The following SYN3 variants were observed in gnomAD, a reference collection of about 807,000 sequenced individuals.
SYN3 encodes the protein synapsin III.
A neutral mutation model predicts 65.8 loss-of-function variants in SYN3; 35 were observed. The observed-to-expected ratio is 0.53, with a 90% CI of 0.41 to 0.70. SYN3 has a LOEUF of 0.70. SYN3 is among the 30% of genes least tolerant of loss of function. The pLI, the probability that SYN3 is intolerant of heterozygous loss-of-function variation, is 0.00. For missense variants in SYN3, 680 were observed against 749.0 expected (o/e 0.91, Z 1.08); for synonymous variants, 270 against 292.9 (o/e 0.92, Z 0.80).
At chr22:32,740,563 G>A (rs1020005057) in intron 6 of SYN3, among the ~76,000 whole-genome samples, 1 of 152,170 alleles carries the variant, frequency 6.6e-6, no homozygotes, top group Non-Finnish European at 1.5e-5. Flanking sequence ...CAGGTGAGAC[G>A]CAGAGTGTGG....
intron 7 of SYN3, among the ~76,000 whole-genome samples, chr22:32,587,866 C>T (rs975780904): frequency 6.6e-6 from 1 of 152,144 alleles, no homozygotes; most frequent in Non-Finnish European, 1.5e-5. Context: ...GGACAACAAA[C>T]CCTGTACCTG....
chr22:32,965,895 T>A (rs551228514), intron 3 of SYN3, among the ~76,000 whole-genome samples: 1 of 152,118 alleles, frequency 6.6e-6, no homozygotes, highest in Admixed American at 6.5e-5. Context: ...GGGGTTTCGC[T>A]GTGTTAGCCA....
intron 7 of SYN3, among the ~76,000 whole-genome samples, chr22:32,565,351 A>G (rs2058658254): frequency 6.6e-6 from 1 of 152,220 alleles, no homozygotes; most frequent in African/African-American, 2.4e-5. Flanking sequence ...ATGTATAATT[A>G]CAAGTTTTCT....
intron 4 of SYN3, among the ~76,000 whole-genome samples, chr22:32,873,415 T>C (rs1227221133): frequency 1.3e-5 from 2 of 151,976 alleles, no homozygotes; most frequent in South Asian, 2.1e-4. Flanking sequence ...AAAGCTGAGG[T>C]TGTCAAGTGG....
chr22:33,006,397 T>C lies in SYN3; in HGVS notation c.266A>G (p.Gln89Arg), dbSNP rs770664068. The part of the protein sequence containing the change: ...EPPGPSTPIV[Q>R]RPRILLVIDD... ...GATCACCAACAGGATCCTGGGTCTT[T>C]GAACAATGGGCGTGGAGGGACCTGG... Residue 89 changes from glutamine to arginine, a missense_variant, in exon 2 of 14, where the codon CAA (glutamine) becomes CGA (arginine). Transcript: ENST00000358763. 6.2e-7 allele frequency: 1 copy of C among 1,614,062 alleles called. No homozygotes were observed. The highest frequency in any genetic ancestry group is 8.5e-7 in the Non-Finnish European group (1 of 1,179,974).
At chr22:32,750,818 G>A (rs2045096863) in intron 6 of SYN3, among the ~76,000 whole-genome samples, 1 of 152,128 alleles carries the variant, frequency 6.6e-6, no homozygotes, top group East Asian at 1.9e-4. Context: ...AAGACTCCAA[G>A]GTTTGGGGTC....
chr22:32,594,557 G>A (rs2059171897), intron 7 of SYN3, among the ~76,000 whole-genome samples: 1 of 151,190 alleles, frequency 6.6e-6, no homozygotes, highest in South Asian at 2.1e-4. Flanking sequence ...GCGTGATCTC[G>A]GCTAACCGCA....
intron 6 of SYN3, among the ~76,000 whole-genome samples, chr22:32,773,338 C>T (rs537142255): frequency 1.4e-5 from 2 of 144,160 alleles, no homozygotes; most frequent in East Asian, 2.2e-4. Context: ...ACCCTGGAGG[C>T]GGAGGTTGCA....
At chr22:32,666,383 C>A (rs2060290408) in intron 6 of SYN3, among the ~76,000 whole-genome samples, 1 of 148,926 alleles carries the variant, frequency 6.7e-6, no homozygotes, top group Non-Finnish European at 1.5e-5. Context: ...GCATTCAGCA[C>A]CAGGGCCTTA....
intron 4 of SYN3, among the ~76,000 whole-genome samples, chr22:32,877,581 G>A (rs925356835): frequency 6.6e-6 from 1 of 152,160 alleles, no homozygotes; most frequent in Non-Finnish European, 1.5e-5. Flanking sequence ...GTGACAACAA[G>A]CAATGTCTCC....
chr22:32,643,558 G>T lies in SYN3; in HGVS notation c.712-46822C>A, dbSNP rs560223019. On this transcript the variant is annotated intron_variant, in intron 6 of 13. Coordinates refer to ENST00000358763, the MANE Select transcript of SYN3 (RefSeq NM_003490.4). Reference sequence around the variant, plus strand: ...GGCAAATTAGAAATGGTGGGGGGGCGGGGGGGGCAGAACAGACCCATAAAG... The same window carrying T: ...GGCAAATTAGAAATGGTGGGGGGGCTGGGGGGGCAGAACAGACCCATAAAG... Among the ~76,000 whole-genome samples, 34 of 27,086 alleles carry T rather than the reference G, an allele frequency of 1.3e-3. 2 individuals are homozygous for T. The highest frequency in any genetic ancestry group is 0.011 in the Admixed American group (19 of 1,706). 17.8% of individuals were successfully genotyped at this position (27,086 alleles called of 152,430 possible).
chr22:32,745,119 G>C (rs2044887971), intron 6 of SYN3, among the ~76,000 whole-genome samples: 1 of 152,168 alleles, frequency 6.6e-6, no homozygotes, highest in South Asian at 2.1e-4. Flanking sequence ...TCACTGCTAG[G>C]AACCAGGAGG....
At chr22:32,704,330 T>G (rs1047780821) in intron 6 of SYN3, among the ~76,000 whole-genome samples, 2 of 152,212 alleles carry the variant, frequency 1.3e-5, no homozygotes, top group South Asian at 2.1e-4. Flanking sequence ...TGGTTTTCTG[T>G]TCCTGCATTA....
At chr22:32,993,763 C>G (rs529534516) in intron 2 of SYN3, among the ~76,000 whole-genome samples, 1 of 152,306 alleles carries the variant, frequency 6.6e-6, no homozygotes, top group African/African-American at 2.4e-5. Context: ...CCTAGGCCAA[C>G]CTCACTGTTT....
At chr22:32,835,753 C>A (rs77714555) in intron 6 of SYN3, among the ~76,000 whole-genome samples, 2,224 of 152,328 alleles carry the variant, frequency 0.015, 22 homozygotes, top group Middle Eastern at 0.051. Context: ...TACTGGACTT[C>A]TCTCTTCCTG....
chr22:32,676,367 A>T (rs918290568), intron 6 of SYN3, among the ~76,000 whole-genome samples: 1 of 152,088 alleles, frequency 6.6e-6, no homozygotes, highest in Admixed American at 6.5e-5. Flanking sequence ...TTATCTGGGC[A>T]TTTGTCAGAA....
intron 3 of SYN3, among the ~76,000 whole-genome samples, chr22:32,943,419 C>T (rs1342776350): frequency 1.3e-5 from 2 of 152,294 alleles, no homozygotes; most frequent in East Asian, 3.9e-4. Context: ...CACCATCAGG[C>T]CTGCCCTACA....
chr22:33,017,457 G>A (rs1455375278), intron 1 of SYN3, among the ~76,000 whole-genome samples: 1 of 152,184 alleles, frequency 6.6e-6, no homozygotes, highest in African/African-American at 2.4e-5. Context: ...TGAATCTGCA[G>A]ATCATTTTGG....
intron 2 of SYN3, among the ~76,000 whole-genome samples, chr22:33,003,486 G>A (rs1043751322): frequency 1.3e-5 from 2 of 152,166 alleles, no homozygotes; most frequent in African/African-American, 2.4e-5. Flanking sequence ...AGATGGAGAT[G>A]AAAAACTTTT....
Sources: allele counts gnomAD v4.1 joint callset (sites outside exome capture counted in the v4.1 genomes callset), GRCh38; gene constraint gnomAD v4.1.1; transcripts MANE v1.5; gene names NCBI Gene and HGNC (gene_info 2026-07-23, HGNC 2026-07-21).